ADGRE5: variants seen among roughly 807,000 people sequenced by gnomAD.
ADGRE5 encodes CD97 molecule.
In ADGRE5, 72 loss-of-function variants were observed where a neutral mutation model predicts 100.3. The observed-to-expected ratio is 0.72, with a 90% CI of 0.59 to 0.87. The LOEUF is 0.87. Among genes scored for constraint, ADGRE5 ranks in the 40% least tolerant of loss-of-function variants. The pLI, the probability that ADGRE5 is intolerant of heterozygous loss-of-function variation, is 0.00. For missense variants in ADGRE5, 959 were observed against 1,094.7 expected (o/e 0.88, Z 1.75); for synonymous variants, 439 against 447.8 (o/e 0.98, Z 0.25).
intron 4 of ADGRE5, among the ~76,000 whole-genome samples, chr19:14,394,508 A>G (rs1250214360): frequency 1.3e-5 from 2 of 152,130 alleles, no homozygotes; most frequent in Non-Finnish European, 2.9e-5. Flanking sequence ...GACACTCCAC[A>G]GGAGGCCACT....
At position 14,396,251 on chromosome 19, in the gene ADGRE5, G is replaced by C. The variant is rs1599622110; in HGVS notation, c.347-91G>C. ...AGGGAGGAGACAGTGGTGCCTTCCA[G>C]ATGCTTCCGTGCCAGGAAACATGGC... On this transcript the variant is annotated intron_variant, in intron 4 of 19. Coordinates refer to ENST00000242786, the MANE Select transcript of ADGRE5 (RefSeq NM_078481.4). 7.5e-6 allele frequency: 12 copies of C among 1,610,436 alleles called. No individual in the cohort carries two copies. In the East Asian group the frequency reaches 2.7e-4, roughly 36 times the overall value.
rs150981464 is a variant in ADGRE5 at position 14,390,249 on chromosome 19, C to G, written c.191-675C>G. ...CCTGGAGAGAGAGAAGCTGGGTGCT[C>G]AGGAATCTGGAGTCTGTGCCTCAGT... On this transcript the variant is annotated intron_variant, in intron 3 of 19. Transcript: ENST00000242786. 4.3e-3 allele frequency among the ~76,000 whole-genome samples: 647 copies of G among 151,040 alleles called. 7 individuals are homozygous for G. The highest frequency in any genetic ancestry group is 0.015 in the African/African-American group (603 of 41,070).
intron 13 of ADGRE5, chr19:14,404,901 C>G: frequency 3.5e-6 from 1 of 289,282 alleles, no homozygotes; most frequent in Non-Finnish European, 6.5e-6. Flanking sequence ...TCTCTGTCGC[C>G]CAGGTTGGAG....
At chr19:14,407,792 CAAAA>C in intron 18 of ADGRE5, 112 bp from the exon 19 acceptor site, 2 of 862,438 alleles carry the variant, frequency 2.3e-6, no homozygotes, top group Non-Finnish European at 3.7e-6. Flanking sequence ...GACCCGATCT[CAAAA>C]AAAAGACAAA....
rs548328562 is a variant in ADGRE5 at position 14,404,926 on chromosome 19, C to A, written c.1629+364C>A. 9.1e-4 allele frequency: 230 copies of A among 253,976 alleles called. 1 individual carries two copies. The highest frequency in any genetic ancestry group is 4.8e-3 in the Admixed American group (81 of 16,808). The allele number at this position is 253,976 out of a possible 1,614,324, so 15.7% of individuals were successfully genotyped here. On this transcript the variant is annotated intron_variant, in intron 13 of 19. Coordinates refer to ENST00000242786, the MANE Select transcript of ADGRE5 (RefSeq NM_078481.4). The stretch of plus-strand genomic sequence containing the variant: ...CCAGGTTGGAGTATGGTGGCACAAT[C>A]TCAGCTAGTGAGGTTCAAGGGATTC...
At position 14,406,454 on chromosome 19, in the gene ADGRE5, G is replaced by T. The variant is rs1389484736; in HGVS notation, c.1945G>T (p.Gly649Cys). The change falls in exon 15 of 20, where the codon GGC (glycine) becomes TGC (cysteine). Residue 649 changes from glycine to cysteine, a missense_variant. Physicochemically the swap from Gly to Cys is radical, Grantham distance 159. This residue lies in a region of ADGRE5 where 428 missense variants were observed against 386.2 expected (regional missense o/e 1.11). Coordinates refer to ENST00000242786, the MANE Select transcript of ADGRE5 (RefSeq NM_078481.4). This position sits in a 1 kb window ranked among gnomAD's most constrained non-coding sequence, Gnocchi z 6.0. ...TGTGGTGCGCGTGTTCCAAGGCCAGGGCCTGAGTACGCGCTGGCTCTGCCT... is the reference window on the plus strand; with the variant it reads ...TGTGGTGCGCGTGTTCCAAGGCCAGTGCCTGAGTACGCGCTGGCTCTGCCT... ...FLVVRVFQGQ[G>C]LSTRWLCLIG... 1 of 1,577,570 alleles carries T rather than the reference G, an allele frequency of 6.3e-7. No homozygotes were observed. Among genetic ancestry groups the T allele is most frequent in the African/African-American group, 1.3e-5 (1 of 74,230 alleles).
chr19:14,398,494 C>G (rs866130302), intron 9 of ADGRE5, among the ~76,000 whole-genome samples: 1 of 136,856 alleles, frequency 7.3e-6, no homozygotes, highest in Non-Finnish European at 1.6e-5. Flanking sequence ...ATGGTGAAAC[C>G]CCCGTCTCTA....
rs369866245 is a variant in ADGRE5, at chr19:14,404,511, A to G, written c.1578A>G (p.Gln526=). The G allele has an allele frequency of 8.7e-6, 14 of 1,612,928 alleles. No homozygotes were observed. Among genetic ancestry groups the G allele is most frequent in the Middle Eastern group, 3.3e-4 (2 of 6,084 alleles). The change falls in exon 13 of 20, where the codon CAA becomes CAG. Residue 526 remains glutamine (Q), a synonymous_variant. Transcript: ENST00000242786. ...LGSKNGSTTC[Q]CSHLSSFAIL... ...GCAAGAACGGCAGCACCACCTGCCA[A>G]TGCAGCCACCTGAGCAGCTTTGCGA...
At position 14,405,904 on chromosome 19, in the gene ADGRE5, A is replaced by G. The variant is rs746500279; in HGVS notation, c.1786A>G (p.Ile596Val). ...CATCTGCCTCTTCGTGGGCTCCACC[A>G]TCTTCCTGGCCGGCATCGAGAACGA... ...LCICLFVGST[I>V]FLAGIENEGG... is the part of the protein sequence containing the mutation. Residue 596 changes from isoleucine (I) to valine (V), a missense_variant, in exon 14 of 20, where the codon ATC (isoleucine) becomes GTC (valine). By Grantham distance (29) the Ile-to-Val change is conservative (BLOSUM62 3). This residue lies in a region of ADGRE5 where 428 missense variants were observed against 386.2 expected (regional missense o/e 1.11). Transcript: ENST00000242786. The G allele has an allele frequency of 3.5e-5, 56 of 1,610,852 alleles. 1 individual carries two copies. In the South Asian group the frequency reaches 4.9e-4, roughly 14 times the overall value.
chr19:14,388,500 G>T lies in ADGRE5; in HGVS notation c.73G>T (p.Gly25Cys). The stretch of plus-strand genomic sequence containing the variant: ...GGGAGCTGAAACCCAGGACTCCAGG[G>T]GTGAGTCTGCTGGGAAGCAGAAAGC... ...LPGAETQDSR[G>C]CARWCPQNSS... The change falls in exon 2 of 20, where the codon GGC becomes TGC. Residue 25 changes from glycine (G) to cysteine (C), a missense_variant and splice_region_variant. Gly to Cys is a radical substitution (Grantham distance 159). Around this residue, in one of 6 missense-constraint regions of ADGRE5, gnomAD observed 114 missense variants for 195.7 expected, o/e 0.58. Coordinates refer to ENST00000242786, the MANE Select transcript of ADGRE5 (RefSeq NM_078481.4). 6.3e-7 allele frequency: 1 copy of T among 1,592,180 alleles called. No homozygotes were observed. The highest frequency in any genetic ancestry group is 8.6e-7 in the Non-Finnish European group (1 of 1,168,430).
At chr19:14,383,430 G>C (rs541462676) in intron 1 of ADGRE5, among the ~76,000 whole-genome samples, 2 of 145,348 alleles carry the variant, frequency 1.4e-5, no homozygotes, top group South Asian at 2.2e-4. Flanking sequence ...TCTTGAACCT[G>C]GGAGGTGGAG....
At chr19:14,386,419 G>C (rs546727769) in intron 1 of ADGRE5, 1 of 153,372 alleles carries the variant, frequency 6.5e-6, no homozygotes, top group Non-Finnish European at 1.4e-5. Flanking sequence ...GGCCGGGCGC[G>C]GTGGCTCACG....
chr19:14,397,382 C>G (rs532799816), intron 6 of ADGRE5, 159 bp downstream of exon 6: 15 of 1,152,290 alleles, frequency 1.3e-5, no homozygotes, highest in Middle Eastern at 2.0e-4. Context: ...AGCAAGGGTC[C>G]TCCGGAAGGA....
chr19:14,382,374 C>G (rs1946484530), intron 1 of ADGRE5, among the ~76,000 whole-genome samples: 1 of 152,176 alleles, frequency 6.6e-6, no homozygotes, highest in Non-Finnish European at 1.5e-5. Flanking sequence ...GGGGCAGTTG[C>G]CAAGACCTGG....
At position 14,406,023 on chromosome 19, in the gene ADGRE5, T is replaced by C. The variant is rs1976216188; in HGVS notation, c.1821+84T>C. On this transcript the variant is annotated intron_variant, in intron 14 of 19. Transcript: ENST00000242786. This position sits in a 1 kb window ranked among gnomAD's most constrained non-coding sequence, Gnocchi z 6.0. Reference sequence around the variant, plus strand: ...AGCCCCGCCCACTCCCGGGGCTCAGTCGGGTAGGCGGGCCCTGGAGGCATG... The same window carrying C: ...AGCCCCGCCCACTCCCGGGGCTCAGCCGGGTAGGCGGGCCCTGGAGGCATG... 1 of 1,261,614 alleles carries C rather than the reference T, an allele frequency of 7.9e-7. No homozygotes were observed. Among genetic ancestry groups the C allele is most frequent in the Non-Finnish European group, 1.1e-6 (1 of 928,902 alleles). 78.2% of individuals were successfully genotyped at this position (1,261,614 alleles called of 1,614,324 possible).
At chr19:14,398,784 G>A (rs371759101) in intron 9 of ADGRE5, among the ~76,000 whole-genome samples, 18 of 150,570 alleles carry the variant, frequency 1.2e-4, no homozygotes, top group African/African-American at 4.1e-4. Flanking sequence ...GCCCTCTCTG[G>A]GCCTCGGTTT....
intron 9 of ADGRE5, among the ~76,000 whole-genome samples, chr19:14,399,066 T>C (rs1370424196): frequency 6.6e-6 from 1 of 151,286 alleles, no homozygotes. Flanking sequence ...AGGCTGGTCT[T>C]GAACTCCTGG....
Position 14,404,421 on chromosome 19 carries a change from C to T in ADGRE5, c.1488C>T (p.Ala496=). ...GGCCACGGCAGGAGCTGCTCTGTGC[C>T]TTCTGGAAGAGTGACAGCGACAGGG... ...MPGPRQELLC[A]FWKSDSDRGG... is the part of the protein sequence containing the mutation. The change falls in exon 13 of 20, where the codon GCC becomes GCT. Residue 496 remains alanine, a synonymous_variant. Transcript: ENST00000242786. 3 of 1,611,946 alleles carry T rather than the reference C, an allele frequency of 1.9e-6. No homozygotes were observed. The highest frequency in any genetic ancestry group is 2.5e-6 in the Non-Finnish European group (3 of 1,179,788).
chr19:14,393,025 C>T (rs1490098282), intron 4 of ADGRE5, among the ~76,000 whole-genome samples: 2 of 151,978 alleles, frequency 1.3e-5, no homozygotes, highest in Admixed American at 1.3e-4. Flanking sequence ...CACAGTGAAA[C>T]CCCGTCTCTA....
Sources: gnomAD v4.1 joint callset for allele counts (sites outside exome capture counted in the v4.1 genomes callset) on GRCh38, gnomAD v4.1.1 for gene constraint, gnomAD v4.1.1 regional missense constraint, Gnocchi (gnomAD v3.1) non-coding constraint, MANE v1.5 for transcripts, NCBI Gene and HGNC (gene_info 2026-07-23, HGNC 2026-07-21) for gene names.